Variants in SLC25A26 observed in about 807,000 individuals in gnomAD.
SLC25A26 encodes the protein mitochondrial S-adenosylmethionine carrier protein.
A neutral mutation model predicts 37.8 loss-of-function variants in SLC25A26; 36 were observed. That is an observed-to-expected ratio of 0.95 (90% confidence interval 0.73 to 1.26). SLC25A26 has a LOEUF of 1.26. Ranked by LOEUF, SLC25A26 falls within the 50% of genes most tolerant of loss-of-function variation. The pLI, the probability that SLC25A26 is intolerant of heterozygous loss-of-function variation, is 0.00. For synonymous variants in SLC25A26, 129 were observed against 122.5 expected, an observed-to-expected ratio of 1.05 and a Z score of -0.35; for missense variants, 390 against 331.1, an observed-to-expected ratio of 1.18 and a Z score of -1.38.
chr3:66,372,861 C>G (rs561446753), intron 9 of SLC25A26, among the ~76,000 whole-genome samples: 1 of 152,084 alleles, frequency 6.6e-6, no homozygotes, highest in African/African-American at 2.4e-5. Flanking sequence ...GTCTCCTCCC[C>G]GGGGCGTGCA....
intron 5 of SLC25A26, among the ~76,000 whole-genome samples, chr3:66,339,677 C>A (rs191822895): frequency 2.7e-4 from 41 of 152,032 alleles, no homozygotes; most frequent in African/African-American, 8.9e-4. Flanking sequence ...TGTGCATCTT[C>A]TCTAGAATGA....
intron 2 of SLC25A26, among the ~76,000 whole-genome samples, chr3:66,240,880 G>A (rs2072547901): frequency 1.3e-5 from 2 of 151,348 alleles, no homozygotes; most frequent in South Asian, 2.1e-4. Flanking sequence ...TGAGTAGCTG[G>A]GACTACAGGC....
chr3:66,170,794 T>TG (rs2070485184), intron 1 of SLC25A26, among the ~76,000 whole-genome samples: 3 of 91,076 alleles, frequency 3.3e-5, no homozygotes, highest in East Asian at 2.9e-4. Flanking sequence ...GATTATTGTT[T>TG]TTTTTTTTTT....
chr3:66,143,613 G>C (rs1198820919), intron 1 of SLC25A26, among the ~76,000 whole-genome samples: 1 of 152,240 alleles, frequency 6.6e-6, no homozygotes, highest in Non-Finnish European at 1.5e-5. Flanking sequence ...GCTGGGAACA[G>C]TGGTTCACGC....
chr3:66,280,036 A>G (rs886140133), intron 5 of SLC25A26, among the ~76,000 whole-genome samples: 1 of 152,208 alleles, frequency 6.6e-6, no homozygotes, highest in East Asian at 1.9e-4. Context: ...AGATCTTGTG[A>G]TAATTAGACT....
intron 5 of SLC25A26, among the ~76,000 whole-genome samples, chr3:66,302,906 G>A (rs2075115992): frequency 2.0e-5 from 3 of 152,170 alleles, no homozygotes. Context: ...GTGCTAGGGA[G>A]TCAGCAGGGA....
At chr3:66,193,819 T>C (rs1437797638) in intron 1 of SLC25A26, among the ~76,000 whole-genome samples, 1 of 152,128 alleles carries the variant, frequency 6.6e-6, no homozygotes, top group African/African-American at 2.4e-5. Flanking sequence ...CAAACAATAT[T>C]AACCTAGATA....
intron 6 of SLC25A26, among the ~76,000 whole-genome samples, chr3:66,346,993 C>A (rs2076341167): frequency 6.6e-6 from 1 of 151,874 alleles, no homozygotes; most frequent in Non-Finnish European, 1.5e-5. Flanking sequence ...TGTCAGACAA[C>A]CTTGGGGAAG....
chr3:66,351,242 C>A (rs1171554230), intron 6 of SLC25A26, among the ~76,000 whole-genome samples: 1 of 152,154 alleles, frequency 6.6e-6, no homozygotes, highest in Non-Finnish European at 1.5e-5. Context: ...CTCCCCAAAT[C>A]CTGTTACTGT....
intron 1 of SLC25A26, among the ~76,000 whole-genome samples, chr3:66,144,480 G>T (rs1282913890): frequency 1.3e-5 from 2 of 152,102 alleles, no homozygotes; most frequent in African/African-American, 4.8e-5. Context: ...TTGCCCACTG[G>T]GTACAATTTA....
At chr3:66,265,710 G>T (rs542810283) in intron 5 of SLC25A26, among the ~76,000 whole-genome samples, 1 of 152,286 alleles carries the variant, frequency 6.6e-6, no homozygotes, top group South Asian at 2.1e-4. Context: ...AACCTAGTTG[G>T]TGTAGATCTT....
intron 5 of SLC25A26, among the ~76,000 whole-genome samples, chr3:66,289,135 G>A (rs1257598524): frequency 6.6e-6 from 1 of 152,250 alleles, no homozygotes; most frequent in African/African-American, 2.4e-5. Flanking sequence ...TTTTTGAGAA[G>A]TGTCTGTTCA....
At chr3:66,236,246 C>A (rs2072277840) in intron 1 of SLC25A26, among the ~76,000 whole-genome samples, 1 of 132,134 alleles carries the variant, frequency 7.6e-6, no homozygotes. Flanking sequence ...CTTTTTGAAC[C>A]ATGTGAGTAC....
chr3:66,287,448 GTCTC>G (rs1266985611), intron 5 of SLC25A26, among the ~76,000 whole-genome samples: 15 of 151,596 alleles, frequency 9.9e-5, no homozygotes, highest in Non-Finnish European at 1.9e-4. Flanking sequence ...CTTTTTTTCT[GTCTC>G]TATTTTTCTG....
At chr3:66,241,686 T>C (rs1313089255) in intron 2 of SLC25A26, among the ~76,000 whole-genome samples, 1 of 152,158 alleles carries the variant, frequency 6.6e-6, no homozygotes, top group Admixed American at 6.5e-5. Context: ...AATTGGACTT[T>C]TGTGTGTGGT....
intron 3 of SLC25A26, among the ~76,000 whole-genome samples, chr3:66,258,783 A>G (rs555123286): frequency 9.4e-4 from 142 of 151,714 alleles, no homozygotes; most frequent in Non-Finnish European, 1.2e-3. Context: ...CCAGGAGTTC[A>G]GGGCTAGCCT....
chr3:66,192,087 C>A (rs910358823), intron 1 of SLC25A26, among the ~76,000 whole-genome samples: 1 of 151,754 alleles, frequency 6.6e-6, no homozygotes, highest in Non-Finnish European at 1.5e-5. Flanking sequence ...GAGGCCGAGG[C>A]AGGCAGATCA....
At chr3:66,270,288 C>G (rs1443813679) in intron 5 of SLC25A26, among the ~76,000 whole-genome samples, 1 of 152,122 alleles carries the variant, frequency 6.6e-6, no homozygotes, top group African/African-American at 2.4e-5. Flanking sequence ...CATCTTAGCA[C>G]TTCTACTGAA....
At chr3:66,343,433 G>GTTT (rs2076253118) in intron 5 of SLC25A26, among the ~76,000 whole-genome samples, 1 of 152,178 alleles carries the variant, frequency 6.6e-6, no homozygotes, top group African/African-American at 2.4e-5. Flanking sequence ...TTGTTTTAGA[G>GTTT]AGTAAAGCTG....
Sources: gnomAD v4.1 joint callset for allele counts (sites outside exome capture counted in the v4.1 genomes callset) on GRCh38, gnomAD v4.1.1 for gene constraint, MANE v1.5 for transcripts, NCBI Gene and HGNC (gene_info 2026-07-23, HGNC 2026-07-21) for gene names.